ANKRD11: variants seen among roughly 807,000 people sequenced by gnomAD.
ANKRD11 encodes ankyrin repeat domain 11, also known as ankyrin repeat domain-containing protein 11.
In ANKRD11, 17 loss-of-function variants were observed where a neutral mutation model predicts 195.7. The ratio of observed to expected loss-of-function variants is 0.09; its 90% CI spans 0.06 to 0.13. The LOEUF (loss-of-function observed/expected upper bound fraction) is 0.13. Ranked by LOEUF, ANKRD11 falls within the 10% of genes least tolerant of loss-of-function variation. The pLI is 1.00. For missense variants in ANKRD11, 3,735 were observed against 3,566.1 expected (o/e 1.05, Z -1.21); for synonymous variants, 1,953 against 1,528.1 (o/e 1.28, Z -6.49).
At chr16:89,362,825 A>G (rs1448747128) in intron 2 of ANKRD11, among the ~76,000 whole-genome samples, 5 of 152,076 alleles carry the variant, frequency 3.3e-5, no homozygotes, top group Admixed American at 3.3e-4. Flanking sequence ...AGCATTCCAC[A>G]AATTACTTCC....
At chr16:89,474,223 C>T (rs1305662006) in intron 1 of ANKRD11, among the ~76,000 whole-genome samples, 1 of 152,194 alleles carries the variant, frequency 6.6e-6, no homozygotes, top group Non-Finnish European at 1.5e-5. Flanking sequence ...GGATGAAACC[C>T]TGAGCAGAGG....
intron 2 of ANKRD11, among the ~76,000 whole-genome samples, chr16:89,415,850 A>AAAAAAAAAAAAAAAAAAAAT (rs928499930): frequency 6.8e-6 from 1 of 147,384 alleles, no homozygotes; most frequent in Non-Finnish European, 1.5e-5. Context: ...AAAAAAAAAA[A>AAAAAAAAAAAAAAAAAAAAT]CAATGGAGAA....
chr16:89,422,560 T>C (rs1221900370), intron 1 of ANKRD11, among the ~76,000 whole-genome samples: 1 of 152,174 alleles, frequency 6.6e-6, no homozygotes, highest in Non-Finnish European at 1.5e-5. Context: ...TAACACGATA[T>C]TCGCGCTGAC....
At chr16:89,268,690 G>T in intron 12 of ANKRD11, 27 bp from the exon 13 acceptor site, 1 of 1,565,896 alleles carries the variant, frequency 6.4e-7, no homozygotes, top group South Asian at 1.2e-5. Context: ...GGGGAGAGGA[G>T]GGAGGAGGAG....
intron 1 of ANKRD11, among the ~76,000 whole-genome samples, chr16:89,472,944 C>T (rs1389139051): frequency 6.6e-6 from 1 of 152,100 alleles, no homozygotes; most frequent in Non-Finnish European, 1.5e-5. Context: ...GATCCCAGCA[C>T]TGTGGGAGGC....
chr16:89,454,146 C>G (rs1049829160), intron 1 of ANKRD11, among the ~76,000 whole-genome samples: 1 of 151,942 alleles, frequency 6.6e-6, no homozygotes, highest in Non-Finnish European at 1.5e-5. Context: ...CCAACACAAC[C>G]ACAGCCAACA....
intron 1 of ANKRD11, among the ~76,000 whole-genome samples, chr16:89,444,294 A>C (rs1337952205): frequency 2.6e-5 from 4 of 152,158 alleles, no homozygotes; most frequent in African/African-American, 9.7e-5. Context: ...TCCTGCCCAA[A>C]GCCCACTCTA....
chr16:89,479,197 G>C (rs2057357112), intron 1 of ANKRD11, among the ~76,000 whole-genome samples: 1 of 151,922 alleles, frequency 6.6e-6, no homozygotes, highest in Non-Finnish European at 1.5e-5. Context: ...GACGTCAAGA[G>C]AGTGCAACAT....
At chr16:89,489,398 C>A (rs1210453178) in intron 1 of ANKRD11, among the ~76,000 whole-genome samples, 1 of 146,796 alleles carries the variant, frequency 6.8e-6, no homozygotes, top group African/African-American at 2.5e-5. Flanking sequence ...TCCCAGCCAC[C>A]CCCCACACCC....
intron 2 of ANKRD11, among the ~76,000 whole-genome samples, chr16:89,402,125 C>T (rs1447703800): frequency 6.6e-6 from 1 of 152,178 alleles, no homozygotes; most frequent in Non-Finnish European, 1.5e-5. Flanking sequence ...GAAATCCTGA[C>T]TTTTCCATAA....
chr16:89,276,710 T>A (rs2033686061), intron 9 of ANKRD11, among the ~76,000 whole-genome samples: 1 of 152,180 alleles, frequency 6.6e-6, no homozygotes, highest in African/African-American at 2.4e-5. Context: ...AGCAGGTGCA[T>A]AAACCTATCT....
At chr16:89,361,335 G>T (rs1458367065) in intron 2 of ANKRD11, among the ~76,000 whole-genome samples, 2 of 152,168 alleles carry the variant, frequency 1.3e-5, no homozygotes, top group African/African-American at 4.8e-5. Context: ...CGGGGGCGGG[G>T]GGTGCTGCAG....
chr16:89,422,705 G>T (rs2042565885), intron 1 of ANKRD11, among the ~76,000 whole-genome samples: 1 of 152,194 alleles, frequency 6.6e-6, no homozygotes, highest in African/African-American at 2.4e-5. Flanking sequence ...GCCTCCCTGG[G>T]AAGGAAGCTG....
chr16:89,288,030 C>G, intron 7 of ANKRD11: 1 of 525,214 alleles, frequency 1.9e-6, no homozygotes, highest in Non-Finnish European at 3.3e-6. Flanking sequence ...CCTCTCTCGA[C>G]CCCCACAGAG....
chr16:89,435,835 C>CACA (rs1555578690), intron 1 of ANKRD11, among the ~76,000 whole-genome samples: 63 of 150,030 alleles, frequency 4.2e-4, no homozygotes, highest in African/African-American at 1.6e-3. Context: ...CACACACACA[C>CACA]GCTTTCGGTC....
intron 1 of ANKRD11, among the ~76,000 whole-genome samples, chr16:89,465,236 T>A (rs1457161688): frequency 6.6e-6 from 1 of 152,186 alleles, no homozygotes; most frequent in African/African-American, 2.4e-5. Flanking sequence ...AAGACAAGTC[T>A]GCATATTAAA....
intron 1 of ANKRD11, among the ~76,000 whole-genome samples, chr16:89,471,695 G>C (rs2057089772): frequency 6.8e-6 from 1 of 147,266 alleles, no homozygotes. Context: ...TGAGGAAGGA[G>C]AGTTGCTTGA....
At position 89,291,801 on chromosome 16, in the gene ANKRD11, TA is replaced by T; in HGVS notation, c.227-619del. The T allele has an allele frequency of 7.8e-7, 1 of 1,285,482 alleles. No homozygotes were observed. Among genetic ancestry groups the T allele is most frequent in the Non-Finnish European group, 1.0e-6 (1 of 985,132 alleles). The allele number at this position is 1,285,482 out of a possible 1,614,324, so 79.6% of individuals were successfully genotyped here. ...ATCTGAAGGCATCAACACAGAGCAC[TA>T]ACAAGACACGGTGTGAGAGCTCGGC... On this transcript the variant is annotated intron_variant, in intron 4 of 12. Transcript: ENST00000301030. The surrounding 1 kb of genome is among the most constrained non-coding windows in gnomAD (Gnocchi z 5.3).
intron 2 of ANKRD11, among the ~76,000 whole-genome samples, chr16:89,376,843 A>G (rs2040444167): frequency 6.6e-6 from 1 of 152,228 alleles, no homozygotes; most frequent in African/African-American, 2.4e-5. Flanking sequence ...CTGGGATAGA[A>G]GGCAAGAAGG....
Sources: gnomAD v4.1 joint callset for allele counts (sites outside exome capture counted in the v4.1 genomes callset) on GRCh38, gnomAD v4.1.1 for gene constraint, Gnocchi (gnomAD v3.1) non-coding constraint, MANE v1.5 for transcripts, NCBI Gene and HGNC (gene_info 2026-07-23, HGNC 2026-07-21) for gene names.